Variants in PCDHGA8 observed in about 807,000 individuals in gnomAD.
PCDHGA8 encodes the protein protocadherin gamma-A8.
PCDHGA8 carries 45 observed loss-of-function variants against 59.2 expected under a neutral mutation model. The ratio of observed to expected loss-of-function variants is 0.76; its 90% confidence interval spans 0.60 to 0.98. The LOEUF is 0.98. Ranked by LOEUF, PCDHGA8 falls within the 50% of genes least tolerant of loss-of-function variation. PCDHGA8 has a pLI of 0.00. For missense variants in PCDHGA8, 1,257 were observed against 1,196.2 expected, an observed-to-expected ratio of 1.05 and a Z score of -0.75; for synonymous variants, 531 against 519.0, an observed-to-expected ratio of 1.02 and a Z score of -0.32.
intron 1 of PCDHGA8, among the ~76,000 whole-genome samples, chr5:141,457,005 A>T (rs2098903361): frequency 6.6e-6 from 1 of 152,146 alleles, no homozygotes; most frequent in Admixed American, 6.5e-5. Flanking sequence ...TGCATTACTA[A>T]ATCCAATAAA....
chr5:141,408,345 G>A (rs370026579), intron 1 of PCDHGA8: 3 of 1,613,812 alleles, frequency 1.9e-6, no homozygotes, highest in Non-Finnish European at 2.5e-6. Context: ...TCGGTGGTGG[G>A]GAACCTCGCT....
Position 141,430,964 on chromosome 5 carries a change from A to G in PCDHGA8, c.2424+35727A>G, listed in dbSNP as rs547574367. The G allele has an allele frequency of 7.3e-5, 117 of 1,612,860 alleles. No homozygotes were observed. The South Asian group carries it at 1.2e-3, about 17-fold the overall frequency. On this transcript the variant is annotated intron_variant, in intron 1 of 3. Coordinates refer to ENST00000398604, the MANE Select transcript of PCDHGA8 (RefSeq NM_032088.2). The stretch of plus-strand genomic sequence containing the variant: ...GGAGCGCGGAGTCCGCATCATCCCC[A>G]GAGGTAGGACGCAGCTTTTCGCCCT...
chr5:141,489,335 G>T lies in PCDHGA8; in HGVS notation c.2425-5472G>T. On this transcript the variant is annotated intron_variant, in intron 1 of 3. Transcript: ENST00000398604. This position sits in a 1 kb window ranked among gnomAD's most constrained non-coding sequence, Gnocchi z 4.5. ...TGGGGCTGGGTGTCTGGGCAGCTTC[G>T]TTACTCAGTGGTGGAGGAGTCTGAG... 1.2e-6 allele frequency: 2 copies of T among 1,607,364 alleles called. No individual in the cohort carries two copies. The highest frequency in any genetic ancestry group is 1.7e-6 in the Non-Finnish European group (2 of 1,175,842).
In PCDHGA8 at chr5:141,409,983, T is replaced by C. The variant is rs1481655663; in HGVS notation, c.2424+14746T>C. The C allele has an allele frequency of 1.2e-6, 2 of 1,613,160 alleles. No individual in the cohort carries two copies. Among genetic ancestry groups the C allele is most frequent in the African/African-American group, 2.7e-5 (2 of 74,914 alleles). On this transcript the variant is annotated intron_variant, in intron 1 of 3. Coordinates refer to ENST00000398604, the MANE Select transcript of PCDHGA8 (RefSeq NM_032088.2). ...TACCTAGTGACTAAGGTGGTAGCGG[T>C]GGACGCCGACTCGGGACACAACGCC... is the stretch of plus-strand genomic sequence containing the variant.
chr5:141,481,694 C>A (rs2099542163), intron 1 of PCDHGA8, among the ~76,000 whole-genome samples: 1 of 152,130 alleles, frequency 6.6e-6, no homozygotes, highest in South Asian at 2.1e-4. Flanking sequence ...TGGCTCACGC[C>A]TGTAATCCCA....
At position 141,487,276 on chromosome 5, in the gene PCDHGA8, C is replaced by G; in HGVS notation, c.2425-7531C>G. On this transcript the variant is annotated intron_variant, in intron 1 of 3. Coordinates refer to ENST00000398604, the MANE Select transcript of PCDHGA8 (RefSeq NM_032088.2). The surrounding 1 kb of genome is among the most constrained non-coding windows in gnomAD (Gnocchi z 5.0). ...TGGCTGTGTCCCTAGTGGCAATTTG[C>G]TTTGTCTCCTTTGGCTCATTCGTGG... 1 of 1,614,158 alleles carries G rather than the reference C, an allele frequency of 6.2e-7. No homozygotes were observed. The highest frequency in any genetic ancestry group is 1.1e-5 in the South Asian group (1 of 91,082).
At chr5:141,434,119 C>T (rs2097673106) in intron 1 of PCDHGA8, among the ~76,000 whole-genome samples, 1 of 152,180 alleles carries the variant, frequency 6.6e-6, no homozygotes, top group Non-Finnish European at 1.5e-5. Flanking sequence ...GCCTTTGGGA[C>T]TCCCTTTAGG....
chr5:141,427,999 T>A, intron 1 of PCDHGA8: 1 of 1,601,186 alleles, frequency 6.2e-7, no homozygotes, highest in Non-Finnish European at 8.5e-7. Context: ...GGCTCCGCAC[T>A]CTTCGATATA....
intron 1 of PCDHGA8, chr5:141,415,721 G>A (rs1201366552): frequency 3.0e-6 from 2 of 675,878 alleles, no homozygotes; most frequent in Admixed American, 7.4e-5. Context: ...CTGATGAGTA[G>A]AATTTGATGT....
Position 141,506,445 on chromosome 5 carries a change from A to T in PCDHGA8, c.2572+964A>T, listed in dbSNP as rs1018306383. 3.8e-3 allele frequency among the ~76,000 whole-genome samples: 112 copies of T among 29,226 alleles called. No individual in the cohort carries two copies. The Middle Eastern group carries it at 0.08, about 21-fold the overall frequency. The allele number at this position is 29,226 out of a possible 152,430, so 19.2% of individuals were successfully genotyped here. ...CTGGGCAACAGTCTCGCTCTGTCTC[A>T]AAAAAAAAAAAAAAAAAAAAGAGCA... On this transcript the variant is annotated intron_variant, in intron 3 of 3. Transcript: ENST00000398604.
chr5:141,473,312 A>G (rs1432409474), intron 1 of PCDHGA8, among the ~76,000 whole-genome samples: 1 of 152,228 alleles, frequency 6.6e-6, no homozygotes, highest in Non-Finnish European at 1.5e-5. Context: ...TGCTATATTA[A>G]TAAGCATTAA....
chr5:141,496,077 C>G (rs1269618753), intron 2 of PCDHGA8, among the ~76,000 whole-genome samples: 1 of 152,042 alleles, frequency 6.6e-6, no homozygotes, highest in African/African-American at 2.4e-5. Flanking sequence ...CACACACAAC[C>G]CCCCACCCAC....
intron 2 of PCDHGA8, among the ~76,000 whole-genome samples, chr5:141,503,950 C>T (rs1216385793): frequency 3.3e-5 from 5 of 152,180 alleles, no homozygotes; most frequent in Non-Finnish European, 7.3e-5. Flanking sequence ...CAAGGCCTAC[C>T]CTACAGCCTT....
rs3074541 is a variant in PCDHGA8 at position 141,433,358 on chromosome 5, CCTATCTATCTATCTATCTATCTAT to C, written c.2424+38146_2424+38169del. 6 of 503,934 alleles carry C rather than the reference CCTATCTATCTATCTATCTATCTAT, an allele frequency of 1.2e-5. No homozygotes were observed. In the Admixed American group the frequency reaches 1.5e-4, roughly 12 times the overall value. The allele number at this position is 503,934 out of a possible 1,614,324, so 31.2% of individuals were successfully genotyped here. ...ACAGGTGCAAGCCACCTACTGTCTG[CCTATCTATCTATCTATCTATCTAT>C]CTATCTATCTATCTATCTATCTATT... On this transcript the variant is annotated intron_variant, in intron 1 of 3. Transcript: ENST00000398604.
At position 141,476,513 on chromosome 5, in the gene PCDHGA8, C is replaced by T; in HGVS notation, c.2425-18294C>T. 1 of 1,614,196 alleles carries T rather than the reference C, an allele frequency of 6.2e-7. No individual in the cohort carries two copies. Among genetic ancestry groups the T allele is most frequent in the Non-Finnish European group, 8.5e-7 (1 of 1,180,034 alleles). On this transcript the variant is annotated intron_variant, in intron 1 of 3. Coordinates refer to ENST00000398604, the MANE Select transcript of PCDHGA8 (RefSeq NM_032088.2). The surrounding 1 kb of genome is among the most constrained non-coding windows in gnomAD (Gnocchi z 7.6). ...GATCCAGGACATCAACGACAACAAT[C>T]CTGCTTTCCCTACCCAGGAAATGAA...
chr5:141,415,081 C>A, intron 1 of PCDHGA8: 2 of 1,613,522 alleles, frequency 1.2e-6, no homozygotes, highest in Non-Finnish European at 1.7e-6. Flanking sequence ...GGCGCGAGCC[C>A]TGCTGGACAG....
In PCDHGA8 at chr5:141,432,545, A is replaced by G; in HGVS notation, c.2424+37308A>G. Reference sequence around the variant, plus strand: ...GGTGACCAAGGTGGTGGCGGTGGACAGAGACTCCGGCCAGAACGCCTGGCT... The same window carrying G: ...GGTGACCAAGGTGGTGGCGGTGGACGGAGACTCCGGCCAGAACGCCTGGCT... On this transcript the variant is annotated intron_variant, in intron 1 of 3. Coordinates refer to ENST00000398604, the MANE Select transcript of PCDHGA8 (RefSeq NM_032088.2). This position sits in a 1 kb window ranked among gnomAD's most constrained non-coding sequence, Gnocchi z 6.0. The G allele has an allele frequency of 1.2e-6, 2 of 1,613,876 alleles. No homozygotes were observed. Among genetic ancestry groups the G allele is most frequent in the Non-Finnish European group, 1.7e-6 (2 of 1,179,984 alleles).
intron 1 of PCDHGA8, chr5:141,404,341 AAAC>A (rs769977252): frequency 6.2e-7 from 1 of 1,613,966 alleles, no homozygotes; most frequent in Non-Finnish European, 8.5e-7. Flanking sequence ...ACCTCCCGGA[AAAC>A]AACGCCAGAG....
At chr5:141,410,961 C>T (rs2095452770) in intron 1 of PCDHGA8, 1 of 178,096 alleles carries the variant, frequency 5.6e-6, no homozygotes, top group African/African-American at 2.5e-5. Flanking sequence ...TCAAGCGATT[C>T]TCCTGCCTCA....
Sources: allele counts gnomAD v4.1 joint callset (sites outside exome capture counted in the v4.1 genomes callset), GRCh38; gene constraint gnomAD v4.1.1; non-coding constraint Gnocchi (gnomAD v3.1); transcripts MANE v1.5; gene names NCBI Gene and HGNC (gene_info 2026-07-23, HGNC 2026-07-21).